NTRK2: variants seen among roughly 807,000 people sequenced by gnomAD.
NTRK2 encodes the protein neurotrophic receptor tyrosine kinase 2, also known as BDNF/NT-3 growth factors receptor.
A neutral mutation model predicts 94.5 loss-of-function variants in NTRK2; 13 were observed. The observed-to-expected ratio is 0.14, with a 90% CI of 0.09 to 0.22. NTRK2 has a LOEUF of 0.22. NTRK2 is among the 10% of genes least tolerant of loss of function. NTRK2 has a pLI of 1.00. For missense variants in NTRK2, 639 were observed against 1,071.2 expected (o/e 0.60, Z 5.63); for synonymous variants, 372 against 407.4 (o/e 0.91, Z 1.05).
intron 12 of NTRK2, among the ~76,000 whole-genome samples, chr9:84,809,413 A>G (rs2133526064): frequency 6.7e-6 from 1 of 148,274 alleles, no homozygotes; most frequent in African/African-American, 2.4e-5. Flanking sequence ...ATATATTATT[A>G]TATATAATAT....
intron 9 of NTRK2, among the ~76,000 whole-genome samples, chr9:84,732,283 G>C (rs1207476318): frequency 6.6e-6 from 1 of 152,138 alleles, no homozygotes; most frequent in Non-Finnish European, 1.5e-5. Context: ...GTAGCTTCCT[G>C]CCCCTTGTTG....
chr9:84,849,241 A>G (rs1408941486), intron 12 of NTRK2, among the ~76,000 whole-genome samples: 1 of 152,298 alleles, frequency 6.6e-6, no homozygotes, highest in Non-Finnish European at 1.5e-5. Context: ...GAACCTCATG[A>G]TGCTGCCTTC....
intron 14 of NTRK2, chr9:84,876,662 T>C (rs2076079364): frequency 9.4e-7 from 1 of 1,059,610 alleles, no homozygotes; most frequent in Non-Finnish European, 1.1e-6. Context: ...CCCATTTTTT[T>C]CCATATGTAT....
At chr9:84,683,743 T>G (rs1225062494) in intron 2 of NTRK2, among the ~76,000 whole-genome samples, 2 of 152,212 alleles carry the variant, frequency 1.3e-5, no homozygotes, top group South Asian at 2.1e-4. Context: ...TTTCTGAGAC[T>G]AGATCCTTGA....
At chr9:84,776,384 G>A (rs762589878) in intron 12 of NTRK2, among the ~76,000 whole-genome samples, 3 of 152,036 alleles carry the variant, frequency 2.0e-5, no homozygotes, top group Non-Finnish European at 4.4e-5. Context: ...ACCACACCCA[G>A]CTAATTTTTA....
chr9:84,787,024 G>A (rs1221896317), intron 12 of NTRK2, among the ~76,000 whole-genome samples: 3 of 152,084 alleles, frequency 2.0e-5, no homozygotes, highest in Admixed American at 6.6e-5. Context: ...TCAGGTGGGC[G>A]CGGTGGCTCA....
intron 17 of NTRK2, among the ~76,000 whole-genome samples, chr9:84,963,356 T>G (rs1164566481): frequency 2.0e-5 from 3 of 152,236 alleles, no homozygotes; most frequent in Non-Finnish European, 2.9e-5. Context: ...TTTGGGGTCA[T>G]CAAAGAAAAT....
chr9:84,928,593 G>A (rs2132663540), intron 14 of NTRK2, among the ~76,000 whole-genome samples: 1 of 152,290 alleles, frequency 6.6e-6, no homozygotes, highest in South Asian at 2.1e-4. Flanking sequence ...CTGAGAGGGA[G>A]GGAACCTGAA....
Position 85,023,802 on chromosome 9 carries a change from G to A in NTRK2, c.*2365G>A, listed in dbSNP as rs1049004491. 4 of 229,798 alleles carry A rather than the reference G, an allele frequency of 1.7e-5. No individual in the cohort carries two copies. Among genetic ancestry groups the A allele is most frequent in the African/African-American group, 4.4e-5 (2 of 45,054 alleles). 14.2% of individuals were successfully genotyped at this position (229,798 alleles called of 1,614,324 possible). ...ATTCCATCAGCAAAAACCAACACAG[G>A]TTTGTCACGCTGCATGTCTGGCCAG... On this transcript the variant is annotated 3_prime_UTR_variant, in exon 19 of 19. Transcript: ENST00000277120.
At chr9:84,978,084 A>G (rs2133202191) in intron 17 of NTRK2, among the ~76,000 whole-genome samples, 1 of 152,312 alleles carries the variant, frequency 6.6e-6, no homozygotes, top group Middle Eastern at 3.4e-3. Flanking sequence ...ACCAATATTG[A>G]AATTTGGACA....
At chr9:84,964,528 A>G (rs546442990) in intron 17 of NTRK2, among the ~76,000 whole-genome samples, 1 of 152,198 alleles carries the variant, frequency 6.6e-6, no homozygotes, top group Non-Finnish European at 1.5e-5. Context: ...TTCAACGGGC[A>G]TCCTCTGCAG....
Position 84,670,397 on chromosome 9 carries a change from C to T in NTRK2, c.-352C>T. 2.4e-6 allele frequency: 1 copy of T among 417,594 alleles called. No individual in the cohort carries two copies. The highest frequency in any genetic ancestry group is 4.4e-6 in the Non-Finnish European group (1 of 227,982). 25.9% of individuals were successfully genotyped at this position (417,594 alleles called of 1,614,324 possible). A position where few individuals can be genotyped will look rare whatever the true frequency, so the allele number is the denominator to read the frequency against. ...CTCAGCCTCGAGGTGCATACCGGAC[C>T]CCCATTCGCATCTAACAAGGAATCT... is the stretch of plus-strand genomic sequence containing the variant. On this transcript the variant is annotated 5_prime_UTR_variant, in exon 2 of 19. Transcript: ENST00000277120.
chr9:84,880,896 A>G (rs2076235250), intron 14 of NTRK2, among the ~76,000 whole-genome samples: 1 of 152,226 alleles, frequency 6.6e-6, no homozygotes, highest in Non-Finnish European at 1.5e-5. Context: ...TGGAGTATGA[A>G]TTATTCAAAT....
At chr9:84,912,909 C>T (rs1025336297) in intron 14 of NTRK2, among the ~76,000 whole-genome samples, 1 of 152,142 alleles carries the variant, frequency 6.6e-6, no homozygotes, top group Non-Finnish European at 1.5e-5. Context: ...AGCCACTGCA[C>T]CCGGCCTAAC....
At chr9:84,702,551 A>C (rs1381125353) in intron 4 of NTRK2, 132 bp downstream of exon 4, 7 of 803,828 alleles carry the variant, frequency 8.7e-6, no homozygotes, top group African/African-American at 1.7e-5. Flanking sequence ...AATAGCTTAG[A>C]AACATTAGCT....
chr9:84,689,740 C>T (rs1407147480), intron 2 of NTRK2, among the ~76,000 whole-genome samples: 1 of 152,114 alleles, frequency 6.6e-6, no homozygotes, highest in South Asian at 2.1e-4. Flanking sequence ...ACTCTTTACA[C>T]CTGGAATAAT....
At chr9:84,802,187 T>C (rs1030561169) in intron 12 of NTRK2, among the ~76,000 whole-genome samples, 5 of 152,202 alleles carry the variant, frequency 3.3e-5, no homozygotes, top group Admixed American at 6.5e-5. Flanking sequence ...TTTTCCAGTG[T>C]CTTAGGTCTG....
intron 12 of NTRK2, among the ~76,000 whole-genome samples, chr9:84,856,502 A>G (rs1243372035): frequency 2.6e-5 from 4 of 152,144 alleles, no homozygotes; most frequent in African/African-American, 9.7e-5. Context: ...TCTCACTCCA[A>G]TGAGCAGTCA....
chr9:84,919,236 C>G (rs1051104878), intron 14 of NTRK2, among the ~76,000 whole-genome samples: 1 of 152,140 alleles, frequency 6.6e-6, no homozygotes, highest in African/African-American at 2.4e-5. Context: ...GTCTATAAAG[C>G]CTTTCCGATA....
Sources: allele counts gnomAD v4.1 joint callset (sites outside exome capture counted in the v4.1 genomes callset), GRCh38; gene constraint gnomAD v4.1.1; transcripts MANE v1.5; gene names NCBI Gene and HGNC (gene_info 2026-07-23, HGNC 2026-07-21).